The following SMG6 variants were observed in gnomAD, a reference collection of about 807,000 sequenced individuals.
SMG6 encodes SMG6 nonsense mediated mRNA decay factor, also known as telomerase-binding protein EST1A.
Under a neutral mutation model 142.2 loss-of-function variants are expected in SMG6, and 66 were observed. The observed-to-expected ratio is 0.46, with a 90% confidence interval of 0.38 to 0.57. The LOEUF is 0.57. Among genes scored for constraint, SMG6 ranks in the 20% least tolerant of loss-of-function variants. The pLI is 0.00. For missense variants in SMG6, 1,793 were observed against 1,832.0 expected, an observed-to-expected ratio of 0.98 and a Z score of 0.39; for synonymous variants, 779 against 702.4, an observed-to-expected ratio of 1.11 and a Z score of -1.72.
rs371062311 is a variant in SMG6, at chr17:2,300,672, G to A, written c.89-8C>T. The A allele has an allele frequency of 2.2e-5, 34 of 1,559,798 alleles. No individual in the cohort carries two copies. The highest frequency in any genetic ancestry group is 2.7e-5 in the Non-Finnish European group (31 of 1,157,470). ...TTAATTCCTTCATGTTTTCTGTTAT[G>A]TCGGGGAAAGAGTTTGGGAGGGAAA... On this transcript the variant is annotated splice_polypyrimidine_tract_variant and splice_region_variant and intron_variant, in intron 1 of 18. Transcript: ENST00000263073.
chr17:2,284,872 T>C (rs549249092), intron 6 of SMG6, among the ~76,000 whole-genome samples: 1 of 152,352 alleles, frequency 6.6e-6, no homozygotes, highest in East Asian at 1.9e-4. Context: ...AGTTACTTGG[T>C]AGCTATTTTT....
chr17:2,206,727 C>T (rs1011033120), intron 10 of SMG6, among the ~76,000 whole-genome samples: 3 of 151,714 alleles, frequency 2.0e-5, no homozygotes, highest in African/African-American at 7.3e-5. Context: ...CTCTCTACTA[C>T]AAGTACAAAA....
At chr17:2,289,799 G>C (rs1231165963) in intron 6 of SMG6, among the ~76,000 whole-genome samples, 6 of 151,622 alleles carry the variant, frequency 4.0e-5, no homozygotes, top group African/African-American at 1.5e-4. Flanking sequence ...TGTAATCCCA[G>C]CTACCCTGGA....
chr17:2,272,762 C>T (rs1252948903), intron 8 of SMG6, among the ~76,000 whole-genome samples: 1 of 151,992 alleles, frequency 6.6e-6, no homozygotes, highest in African/African-American at 2.4e-5. Context: ...CACGGTGAAA[C>T]CCCATCTCTA....
chr17:2,215,193 C>A (rs1038677996), intron 10 of SMG6, among the ~76,000 whole-genome samples: 2 of 148,468 alleles, frequency 1.3e-5, no homozygotes, highest in African/African-American at 5.0e-5. Context: ...TGCACAAAGG[C>A]ACTTGTGCGT....
At chr17:2,248,402 C>A (rs1180703789) in intron 8 of SMG6, among the ~76,000 whole-genome samples, 1 of 152,172 alleles carries the variant, frequency 6.6e-6, no homozygotes, top group Admixed American at 6.5e-5. Context: ...GAAACTCATA[C>A]TGTTTGAACC....
intron 8 of SMG6, among the ~76,000 whole-genome samples, chr17:2,257,333 C>A (rs1050412732): frequency 3.9e-5 from 6 of 152,132 alleles, no homozygotes; most frequent in Non-Finnish European, 5.9e-5. Context: ...ATCTGCCCAC[C>A]TCCCAAAGTG....
chr17:2,177,551 A>T (rs2151665474), intron 12 of SMG6, among the ~76,000 whole-genome samples: 1 of 152,334 alleles, frequency 6.6e-6, no homozygotes, highest in East Asian at 1.9e-4. Context: ...ACCCCATGTT[A>T]CAAGCCTGCT....
chr17:2,201,415 G>A lies in SMG6; in HGVS notation c.2870-12900C>T, dbSNP rs753094197. On this transcript the variant is annotated intron_variant, in intron 10 of 18. Transcript: ENST00000263073. Reference sequence around the variant, plus strand: ...TGCTTTAACAATGTTAAATGAGACCGGGGCACAGTGACTCACACCTGTAAC... The same window carrying A: ...TGCTTTAACAATGTTAAATGAGACCAGGGCACAGTGACTCACACCTGTAAC... Among the ~76,000 whole-genome samples, 56 of 152,104 alleles carry A rather than the reference G, an allele frequency of 3.7e-4. 1 individual carries two copies. Among genetic ancestry groups the A allele is most frequent in the Non-Finnish European group, 6.5e-4 (44 of 68,000 alleles).
At chr17:2,161,671 A>C (rs1391116497) in intron 13 of SMG6, among the ~76,000 whole-genome samples, 3 of 151,982 alleles carry the variant, frequency 2.0e-5, no homozygotes, top group African/African-American at 7.3e-5. Context: ...ATAAGACTAC[A>C]TACATTTAGT....
chr17:2,284,212 ATCTTCC>A (rs1385032408), intron 6 of SMG6, among the ~76,000 whole-genome samples: 1 of 152,182 alleles, frequency 6.6e-6, no homozygotes, highest in Non-Finnish European at 1.5e-5. Context: ...TTATGTAATA[ATCTTCC>A]TGAGTTCCTA....
chr17:2,175,794 C>T (rs1385347625), intron 12 of SMG6, among the ~76,000 whole-genome samples: 2 of 152,194 alleles, frequency 1.3e-5, no homozygotes, highest in Non-Finnish European at 2.9e-5. Context: ...CAAGGAAATA[C>T]ACAAAATGCT....
chr17:2,169,516 A>G (rs1173199494), intron 13 of SMG6, among the ~76,000 whole-genome samples: 1 of 152,180 alleles, frequency 6.6e-6, no homozygotes, highest in African/African-American at 2.4e-5. Flanking sequence ...AGCTCTCTTT[A>G]CCAAGGTGAT....
intron 10 of SMG6, among the ~76,000 whole-genome samples, chr17:2,201,105 C>T (rs2072507462): frequency 6.6e-6 from 1 of 152,140 alleles, no homozygotes. Context: ...AAAATTATCT[C>T]ACTGGGAGAA....
At chr17:2,273,815 A>T (rs191597635) in intron 8 of SMG6, among the ~76,000 whole-genome samples, 3 of 152,054 alleles carry the variant, frequency 2.0e-5, no homozygotes, top group Admixed American at 2.0e-4. Flanking sequence ...AAACCCAAAA[A>T]AAGCAAGGTT....
At chr17:2,213,033 C>T (rs1230352270) in intron 10 of SMG6, among the ~76,000 whole-genome samples, 2 of 152,302 alleles carry the variant, frequency 1.3e-5, no homozygotes, top group Admixed American at 1.3e-4. Flanking sequence ...AATTTATCGC[C>T]TAAACTGGGA....
At chr17:2,226,316 G>A (rs945221650) in intron 10 of SMG6, among the ~76,000 whole-genome samples, 1 of 151,206 alleles carries the variant, frequency 6.6e-6, no homozygotes, top group Non-Finnish European at 1.5e-5. Flanking sequence ...CGGGCGTAGT[G>A]GCTCCTGTAA....
chr17:2,294,409 C>G (rs1415051540), intron 4 of SMG6, among the ~76,000 whole-genome samples: 3 of 152,218 alleles, frequency 2.0e-5, no homozygotes, highest in Non-Finnish European at 4.4e-5. Flanking sequence ...GGCTCTCCGT[C>G]AGCCTCAGCA....
intron 1 of SMG6, chr17:2,303,224 C>T: frequency 6.1e-6 from 6 of 985,462 alleles, no homozygotes; most frequent in Non-Finnish European, 7.2e-6. Context: ...TCCTTCTCTC[C>T]GACGTTAAAG....
Sources: allele counts gnomAD v4.1 joint callset (sites outside exome capture counted in the v4.1 genomes callset), GRCh38; gene constraint gnomAD v4.1.1; transcripts MANE v1.5; gene names NCBI Gene and HGNC (gene_info 2026-07-23, HGNC 2026-07-21).